SCG5: variants seen among roughly 807,000 people sequenced by gnomAD.
The protein encoded by SCG5 is neuroendocrine protein 7B2.
Under a neutral mutation model 25.7 loss-of-function variants are expected in SCG5, and 18 were observed. The observed-to-expected ratio is 0.70, with a 90% CI of 0.48 to 1.04. SCG5 has a LOEUF of 1.04. SCG5 is among the 50% of genes least tolerant of loss of function. The pLI, the probability that SCG5 is intolerant of heterozygous loss-of-function variation, is 0.00. For synonymous variants in SCG5, 101 were observed against 91.7 expected (o/e 1.10, Z -0.58); for missense variants, 206 against 259.8 (o/e 0.79, Z 1.42).
chr15:32,666,866 G>A (rs1178401188), intron 2 of SCG5, among the ~76,000 whole-genome samples: 4 of 152,192 alleles, frequency 2.6e-5, no homozygotes, highest in Admixed American at 2.6e-4. Flanking sequence ...ATTGCAGGCT[G>A]CACTTTTGAT....
At chr15:32,643,545 G>A (rs543047571) in intron 1 of SCG5, 41 bp from the exon 2 acceptor site, 42 of 1,455,240 alleles carry the variant, frequency 2.9e-5, no homozygotes, top group South Asian at 2.0e-4. Context: ...CACAATTGCC[G>A]ATTGTAGCCT....
intron 4 of SCG5, 93 bp from the exon 5 acceptor site, chr15:32,691,617 T>C: frequency 1.0e-6 from 1 of 966,966 alleles, no homozygotes; most frequent in Non-Finnish European, 1.6e-6. Flanking sequence ...TGCAAATATC[T>C]AGGGGACACA....
intron 2 of SCG5, among the ~76,000 whole-genome samples, chr15:32,659,922 G>A (rs1050774715): frequency 1.2e-4 from 19 of 152,144 alleles, no homozygotes; most frequent in Middle Eastern, 3.4e-3. Flanking sequence ...GGAATTATTT[G>A]CTGAGTTTGT....
chr15:32,672,105 G>A (rs947163851), intron 2 of SCG5, among the ~76,000 whole-genome samples: 1 of 152,256 alleles, frequency 6.6e-6, no homozygotes, highest in Non-Finnish European at 1.5e-5. Context: ...CGAGACCGCA[G>A]TGTATTTTTA....
At chr15:32,678,103 A>T (rs1251060476) in intron 2 of SCG5, among the ~76,000 whole-genome samples, 1 of 152,244 alleles carries the variant, frequency 6.6e-6, no homozygotes, top group Non-Finnish European at 1.5e-5. Flanking sequence ...ACAAATAGAA[A>T]ATTAAAAGAA....
intron 2 of SCG5, among the ~76,000 whole-genome samples, chr15:32,676,054 C>T (rs1489488197): frequency 6.6e-6 from 1 of 152,178 alleles, no homozygotes; most frequent in African/African-American, 2.4e-5. Context: ...CAGATAACTG[C>T]ATTTGGCCCT....
chr15:32,677,118 AT>A (rs996030316), intron 2 of SCG5, among the ~76,000 whole-genome samples: 7 of 152,152 alleles, frequency 4.6e-5, no homozygotes, highest in South Asian at 2.1e-4. Context: ...AAGAAATAGC[AT>A]TTTTTTTAAA....
Position 32,674,379 on chromosome 15 carries a change from CAG to C in SCG5, c.227-5383_227-5382del, listed in dbSNP as rs1319776191. 6.6e-5 allele frequency among the ~76,000 whole-genome samples: 10 copies of C among 151,964 alleles called. No individual in the cohort carries two copies. In the South Asian group the frequency reaches 2.1e-3, roughly 31 times the overall value. ...ATTATATCAAGATAAAATATGATAA[CAG>C]AGATTTACTCTAAAATTAAACAATG... On this transcript the variant is annotated intron_variant, in intron 2 of 5. Coordinates refer to ENST00000300175, the MANE Select transcript of SCG5 (RefSeq NM_001144757.3).
intron 2 of SCG5, among the ~76,000 whole-genome samples, chr15:32,678,178 A>C (rs2054561541): frequency 6.6e-6 from 1 of 152,232 alleles, no homozygotes; most frequent in Non-Finnish European, 1.5e-5. Context: ...GGATAAGAAG[A>C]AATCACAAGG....
intron 2 of SCG5, among the ~76,000 whole-genome samples, chr15:32,652,818 T>C (rs1353046738): frequency 6.6e-6 from 1 of 152,220 alleles, no homozygotes; most frequent in African/African-American, 2.4e-5. Context: ...AGCACTATTT[T>C]TAACTTTTAC....
chr15:32,695,496 A>G (rs933445725), intron 5 of SCG5, among the ~76,000 whole-genome samples: 1 of 152,096 alleles, frequency 6.6e-6, no homozygotes, highest in Non-Finnish European at 1.5e-5. Context: ...AAAAATATTT[A>G]CTCATTAAGA....
intron 2 of SCG5, among the ~76,000 whole-genome samples, chr15:32,675,313 G>T (rs1358065611): frequency 6.6e-6 from 1 of 152,038 alleles, no homozygotes; most frequent in Non-Finnish European, 1.5e-5. Flanking sequence ...ACAAGCTTTT[G>T]ACTCATCTCT....
At chr15:32,682,628 C>A (rs2054640083) in intron 3 of SCG5, among the ~76,000 whole-genome samples, 1 of 152,238 alleles carries the variant, frequency 6.6e-6, no homozygotes, top group African/African-American at 2.4e-5. Context: ...TCTGCCATTT[C>A]CTTTGCTGTT....
chr15:32,692,299 C>G (rs1380767414), intron 5 of SCG5: 1 of 983,524 alleles, frequency 1.0e-6, no homozygotes, highest in Admixed American at 6.1e-5. Flanking sequence ...TCTACTAGAT[C>G]TGTAATATTT....
chr15:32,662,306 A>G (rs932765733), intron 2 of SCG5, among the ~76,000 whole-genome samples: 5 of 152,136 alleles, frequency 3.3e-5, no homozygotes, highest in Non-Finnish European at 7.4e-5. Flanking sequence ...TAAGTGTTGG[A>G]CTTATATGGC....
intron 3 of SCG5, among the ~76,000 whole-genome samples, chr15:32,681,133 T>C (rs552697722): frequency 6.6e-6 from 1 of 152,326 alleles, no homozygotes; most frequent in South Asian, 2.1e-4. Flanking sequence ...ACCTCTTACC[T>C]TGGGCTTGTG....
At chr15:32,672,201 G>A (rs1279394647) in intron 2 of SCG5, among the ~76,000 whole-genome samples, 1 of 152,356 alleles carries the variant, frequency 6.6e-6, no homozygotes. Context: ...GCCTGTGCCC[G>A]CTCCCTGCCA....
intron 4 of SCG5, among the ~76,000 whole-genome samples, chr15:32,685,439 T>C (rs1209283326): frequency 6.6e-6 from 1 of 152,182 alleles, no homozygotes; most frequent in Non-Finnish European, 1.5e-5. Flanking sequence ...AGATACAGCC[T>C]AGGCAACAGA....
chr15:32,668,439 CAT>C, intron 2 of SCG5, among the ~76,000 whole-genome samples: 1 of 152,340 alleles, frequency 6.6e-6, no homozygotes, highest in Non-Finnish European at 1.5e-5. Context: ...AGTCTACAGA[CAT>C]ATGGGTGGAA....
Sources: gnomAD v4.1 joint callset for allele counts (sites outside exome capture counted in the v4.1 genomes callset) on GRCh38, gnomAD v4.1.1 for gene constraint, MANE v1.5 for transcripts, NCBI Gene and HGNC (gene_info 2026-07-23, HGNC 2026-07-21) for gene names.